Variants in PDE5A observed in about 807,000 individuals in gnomAD.
PDE5A encodes cGMP-specific 3',5'-cyclic phosphodiesterase.
PDE5A carries 67 observed loss-of-function variants against 110.2 expected under a neutral mutation model. The ratio of observed to expected loss-of-function variants is 0.61; its 90% CI spans 0.50 to 0.75. PDE5A has a LOEUF of 0.75. Among genes scored for constraint, PDE5A ranks in the 30% least tolerant of loss-of-function variants. The pLI is 0.00. For synonymous variants in PDE5A, 328 were observed against 351.2 expected (o/e 0.93, Z 0.74); for missense variants, 862 against 1,045.1 (o/e 0.82, Z 2.42).
intron 20 of PDE5A, chr4:119,500,124 T>C (rs558715167): frequency 1.2e-4 from 18 of 152,136 alleles, no homozygotes; most frequent in Non-Finnish European, 1.9e-4. Context: ...GCAACTGTTA[T>C]GGAAAGAATG....
At chr4:119,504,442 T>A (rs1052966762) in intron 18 of PDE5A, 94 bp downstream of exon 18, 14 of 895,056 alleles carry the variant, frequency 1.6e-5, no homozygotes, top group Non-Finnish European at 2.5e-5. Flanking sequence ...ATATAGTCAT[T>A]TATTTTTCTT....
chr4:119,570,675 A>G (rs1179119914), intron 3 of PDE5A, among the ~76,000 whole-genome samples: 1 of 152,152 alleles, frequency 6.6e-6, no homozygotes, highest in Non-Finnish European at 1.5e-5. Flanking sequence ...GCTGCCCCAG[A>G]CATTTACTGA....
chr4:119,616,157 C>G (rs1324185236), intron 1 of PDE5A, among the ~76,000 whole-genome samples: 2 of 152,066 alleles, frequency 1.3e-5, no homozygotes, highest in Non-Finnish European at 2.9e-5. Flanking sequence ...ACGAAGAAAC[C>G]CTGGTGGGCA....
chr4:119,621,896 C>T (rs1219061893), intron 1 of PDE5A, among the ~76,000 whole-genome samples: 5 of 152,094 alleles, frequency 3.3e-5, no homozygotes, highest in African/African-American at 7.2e-5. Context: ...ATTGGCCGGG[C>T]GCGGTGGCTC....
rs995735496 is a variant in PDE5A, at chr4:119,525,085, T to A, written c.1779+464A>T. 6.6e-6 allele frequency among the ~76,000 whole-genome samples: 1 copy of A among 152,118 alleles called. No individual in the cohort carries two copies. Among genetic ancestry groups the A allele is most frequent in the Admixed American group, 6.6e-5 (1 of 15,260 alleles). On this transcript the variant is annotated intron_variant, in intron 12 of 20. Transcript: ENST00000354960. The surrounding 1 kb of genome is among the most constrained non-coding windows in gnomAD (Gnocchi z 4.3). ...GGTCCTTCCCTGTACACTATTGTTATAACCATTGCAGTGAGATCATGCTAC... is the reference window on the plus strand; with the variant it reads ...GGTCCTTCCCTGTACACTATTGTTAAAACCATTGCAGTGAGATCATGCTAC...
intron 2 of PDE5A, among the ~76,000 whole-genome samples, chr4:119,601,615 G>A (rs1388810849): frequency 6.6e-6 from 1 of 152,102 alleles, no homozygotes; most frequent in Non-Finnish European, 1.5e-5. Flanking sequence ...TAGAATCCTT[G>A]AATTGGTAGT....
chr4:119,567,840 T>C (rs183816743), intron 3 of PDE5A, among the ~76,000 whole-genome samples: 2 of 152,312 alleles, frequency 1.3e-5, no homozygotes, highest in Admixed American at 1.3e-4. Flanking sequence ...ATTACCTTAG[T>C]CCTATAAAGA....
intron 1 of PDE5A, among the ~76,000 whole-genome samples, chr4:119,621,765 A>G (rs1217514480): frequency 6.6e-6 from 1 of 152,244 alleles, no homozygotes; most frequent in Non-Finnish European, 1.5e-5. Context: ...TATGTGCATC[A>G]ATTCTCTATG....
chr4:119,594,086 A>G (rs1269150051), intron 3 of PDE5A, among the ~76,000 whole-genome samples: 1 of 152,224 alleles, frequency 6.6e-6, no homozygotes, highest in Non-Finnish European at 1.5e-5. Flanking sequence ...GGGTGGGGAC[A>G]CAGACAAATC....
At chr4:119,601,563 G>C (rs1048867553) in intron 2 of PDE5A, among the ~76,000 whole-genome samples, 5 of 151,806 alleles carry the variant, frequency 3.3e-5, no homozygotes, top group Non-Finnish European at 7.4e-5. Flanking sequence ...CTTGAGTTCC[G>C]TGGGTCATTC....
At chr4:119,527,849 A>AT (rs1296144664) in intron 11 of PDE5A, among the ~76,000 whole-genome samples, 1 of 152,130 alleles carries the variant, frequency 6.6e-6, no homozygotes, top group Non-Finnish European at 1.5e-5. Flanking sequence ...ATGTATATGT[A>AT]TTTTTATGGT....
rs578069380 is a variant in PDE5A, at chr4:119,581,167, T to C, written c.832-14023A>G. 1.8e-3 allele frequency among the ~76,000 whole-genome samples: 271 copies of C among 149,270 alleles called. 4 individuals are homozygous for C. Among genetic ancestry groups the C allele is most frequent in the Non-Finnish European group, 2.7e-4 (18 of 67,372 alleles). On this transcript the variant is annotated intron_variant, in intron 3 of 20. Transcript: ENST00000354960. ...ACAGTATAGAGTGGTGTGCCCATAA[T>C]GGGCACCTACTACAAACATAAAAGA...
chr4:119,563,019 T>C (rs114276127), intron 5 of PDE5A, 49 bp from the exon 6 acceptor site: 51,958 of 1,473,642 alleles, frequency 0.035, 1,067 homozygotes, highest in Middle Eastern at 0.1. Context: ...ATTGTAATTA[T>C]TAAAGCACAA....
chr4:119,506,125 G>A (rs539471290), intron 16 of PDE5A, among the ~76,000 whole-genome samples, 193 bp from the exon 17 acceptor site: 27 of 151,420 alleles, frequency 1.8e-4, no homozygotes, highest in Admixed American at 8.6e-4. Flanking sequence ...ATTTGCTTTC[G>A]ATAAAACATT....
At chr4:119,498,824 C>T in intron 20 of PDE5A, 86 bp from the exon 21 acceptor site, 8 of 1,398,786 alleles carry the variant, frequency 5.7e-6, no homozygotes, top group South Asian at 4.8e-5. Context: ...GGCCACATCC[C>T]ACACTCATTT....
intron 9 of PDE5A, chr4:119,550,263 C>G (rs1267410247): frequency 6.6e-6 from 1 of 152,158 alleles, no homozygotes; most frequent in Non-Finnish European, 1.5e-5. Flanking sequence ...ATTTTTCTCT[C>G]CAAAATCTAC....
chr4:119,552,630 T>C lies in PDE5A; in HGVS notation c.1316A>G (p.Asn439Ser), dbSNP rs1375257108. Residue 439 changes from asparagine to serine, a missense_variant, in exon 9 of 21, where the codon AAT (asparagine) becomes AGT (serine). Coordinates refer to ENST00000354960, the MANE Select transcript of PDE5A (RefSeq NM_001083.4). ...KDKRFPWTTE[N>S]TGNVNQQCIR... ...GCACTGCTGGTTTACATTTCCTGTA[T>C]TTTCAGTCTAAACAAAAATAAAAAG... 1.3e-6 allele frequency: 2 copies of C among 1,524,994 alleles called. No individual in the cohort carries two copies. Among genetic ancestry groups the C allele is most frequent in the African/African-American group, 1.4e-5 (1 of 71,240 alleles). The allele number at this position is 1,524,994 out of a possible 1,614,324, so 94.5% of individuals were successfully genotyped here. A position where few individuals can be genotyped will look rare whatever the true frequency, so the allele number is the denominator to read the frequency against.
intron 6 of PDE5A, 74 bp from the exon 7 acceptor site, chr4:119,560,437 G>A (rs1727708462): frequency 3.4e-6 from 3 of 869,580 alleles, no homozygotes; most frequent in Non-Finnish European, 5.2e-6. Flanking sequence ...AGACATACAT[G>A]CTATGGAATT....
At chr4:119,600,130 A>G (rs1399243782) in intron 2 of PDE5A, among the ~76,000 whole-genome samples, 1 of 152,058 alleles carries the variant, frequency 6.6e-6, no homozygotes. Context: ...CTGTAGTCTA[A>G]AGAGAAAGAT....
Sources: allele counts gnomAD v4.1 joint callset (sites outside exome capture counted in the v4.1 genomes callset), GRCh38; gene constraint gnomAD v4.1.1; non-coding constraint Gnocchi (gnomAD v3.1); transcripts MANE v1.5; gene names NCBI Gene and HGNC (gene_info 2026-07-23, HGNC 2026-07-21).